Variants in SHISA6 observed in about 807,000 individuals in gnomAD.
The protein encoded by SHISA6 is shisa family member 6.
Under a neutral mutation model 47.9 loss-of-function variants are expected in SHISA6, and 22 were observed. The ratio of observed to expected loss-of-function variants is 0.46; its 90% CI spans 0.33 to 0.66. The LOEUF is 0.66. Ranked by LOEUF, SHISA6 falls within the 30% of genes least tolerant of loss-of-function variation. The pLI, the probability that SHISA6 is intolerant of heterozygous loss-of-function variation, is 0.02. For missense variants in SHISA6, 680 were observed against 764.6 expected (o/e 0.89, Z 1.30); for synonymous variants, 388 against 337.8 (o/e 1.15, Z -1.63).
intron 3 of SHISA6, among the ~76,000 whole-genome samples, chr17:11,381,677 G>T (rs1293359226): frequency 6.6e-6 from 1 of 152,120 alleles, no homozygotes; most frequent in East Asian, 1.9e-4. Flanking sequence ...AAATGAACTG[G>T]ACTCCATCAG....
chr17:11,367,116 T>G (rs1912477580), intron 2 of SHISA6, among the ~76,000 whole-genome samples: 1 of 152,096 alleles, frequency 6.6e-6, no homozygotes, highest in Non-Finnish European at 1.5e-5. Context: ...TGACATTTCA[T>G]AGAGAAGGAC....
chr17:11,241,507 C>G lies in SHISA6; in HGVS notation c.85C>G (p.Arg29Gly). 1 of 1,155,454 alleles carries G rather than the reference C, an allele frequency of 8.7e-7. No homozygotes were observed. The highest frequency in any genetic ancestry group is 1.1e-6 in the Non-Finnish European group (1 of 932,318). 71.6% of individuals were successfully genotyped at this position (1,155,454 alleles called of 1,614,324 possible). ...LLPSVHGARG[R>G]AANRTLSAGG... is the part of the protein sequence containing the mutation. ...GCCCAGCGTCCACGGAGCCCGCGGC[C>G]GCGCCGCCAACCGGACCCTGAGTGC... The change falls in exon 1 of 6, where the codon CGC (arginine) becomes GGC (glycine). Residue 29 changes from arginine (R) to glycine (G), a missense_variant. This residue lies in a region of SHISA6 where 121 missense variants were observed against 90.5 expected (regional missense o/e 1.34). Transcript: ENST00000441885. The surrounding 1 kb of genome is among the most constrained non-coding windows in gnomAD (Gnocchi z 5.5).
intron 3 of SHISA6, among the ~76,000 whole-genome samples, chr17:11,542,796 T>G (rs528500898): frequency 2.2e-4 from 33 of 152,302 alleles, no homozygotes; most frequent in African/African-American, 7.5e-4. Flanking sequence ...TGATTCTCTG[T>G]GAAGACCACC....
intron 3 of SHISA6, among the ~76,000 whole-genome samples, chr17:11,452,643 TC>T (rs1428829323): frequency 2.3e-3 from 40 of 17,764 alleles, no homozygotes; most frequent in Non-Finnish European, 3.9e-3. Flanking sequence ...CTCCTCCTCT[TC>T]CTCTCCTCTC....
chr17:11,555,707 A>C (rs572993619), intron 4 of SHISA6, 33 bp from the exon 5 acceptor site: 74 of 1,505,066 alleles, frequency 4.9e-5, no homozygotes, highest in Non-Finnish European at 5.8e-5. Context: ...CATGGTCCTC[A>C]TTAATACAAA....
intron 1 of SHISA6, among the ~76,000 whole-genome samples, chr17:11,260,497 C>T (rs1908190751): frequency 6.6e-6 from 1 of 152,020 alleles, no homozygotes; most frequent in South Asian, 2.1e-4. Flanking sequence ...CCGTCTGACT[C>T]TTCCCCTCCG....
chr17:11,362,680 A>C (rs755952338), intron 2 of SHISA6, among the ~76,000 whole-genome samples: 5 of 152,226 alleles, frequency 3.3e-5, no homozygotes, highest in Non-Finnish European at 7.3e-5. Context: ...TGCCATATGA[A>C]GGTAATTAAT....
intron 2 of SHISA6, among the ~76,000 whole-genome samples, chr17:11,348,369 A>G (rs1911767766): frequency 1.3e-5 from 2 of 152,318 alleles, no homozygotes; most frequent in South Asian, 4.1e-4. Context: ...AGTGATGTCA[A>G]CTATAAATGA....
At chr17:11,400,354 T>G (rs947288624) in intron 3 of SHISA6, among the ~76,000 whole-genome samples, 1 of 152,216 alleles carries the variant, frequency 6.6e-6, no homozygotes, top group African/African-American at 2.4e-5. Flanking sequence ...TGATGAAAAG[T>G]CATTAACATT....
intron 2 of SHISA6, among the ~76,000 whole-genome samples, chr17:11,277,771 G>A (rs944811755): frequency 5.3e-5 from 8 of 152,172 alleles, no homozygotes; most frequent in South Asian, 2.1e-4. Flanking sequence ...TCCTAAGCAC[G>A]TGCCTTCCAT....
intron 2 of SHISA6, among the ~76,000 whole-genome samples, chr17:11,326,325 T>C (rs1437474131): frequency 1.3e-5 from 2 of 151,332 alleles, no homozygotes; most frequent in Non-Finnish European, 1.5e-5. Context: ...AGGAAGGTAG[T>C]GGAGGTCAGC....
chr17:11,328,938 G>A (rs1911006742), intron 2 of SHISA6, among the ~76,000 whole-genome samples: 2 of 152,200 alleles, frequency 1.3e-5, no homozygotes, highest in Admixed American at 1.3e-4. Flanking sequence ...TGATGTAAAG[G>A]CTGCATGCTT....
chr17:11,252,036 C>T (rs955161133), intron 1 of SHISA6, among the ~76,000 whole-genome samples: 3 of 152,142 alleles, frequency 2.0e-5, no homozygotes, highest in African/African-American at 7.2e-5. Flanking sequence ...CGCAGGAACC[C>T]AGCGTTCCCG....
At chr17:11,344,971 C>G (rs527555499) in intron 2 of SHISA6, among the ~76,000 whole-genome samples, 2 of 152,264 alleles carry the variant, frequency 1.3e-5, no homozygotes, top group South Asian at 4.1e-4. Context: ...AACCACAGTT[C>G]TATTCTCTAC....
At chr17:11,503,825 T>C (rs2071475454) in intron 3 of SHISA6, among the ~76,000 whole-genome samples, 3 of 152,208 alleles carry the variant, frequency 2.0e-5, no homozygotes, top group Non-Finnish European at 2.9e-5. Context: ...CTGTGGCTGT[T>C]GTCTGTATTG....
intron 3 of SHISA6, among the ~76,000 whole-genome samples, chr17:11,511,098 T>C (rs2003588): frequency 0.78 from 118,552 of 152,122 alleles, 46,766 homozygotes; most frequent in East Asian, 0.96. Context: ...TGGAATGCTA[T>C]GCAGCCATAA....
intron 2 of SHISA6, among the ~76,000 whole-genome samples, chr17:11,271,618 T>G (rs1908665349): frequency 2.8e-5 from 4 of 144,916 alleles, no homozygotes; most frequent in South Asian, 2.2e-4. Context: ...TTTTTTTTTT[T>G]TTTTTTTTTT....
chr17:11,402,408 C>G (rs944344364), intron 3 of SHISA6, among the ~76,000 whole-genome samples: 1 of 152,188 alleles, frequency 6.6e-6, no homozygotes, highest in Non-Finnish European at 1.5e-5. Context: ...TCAACATACA[C>G]AGTTCTTGAA....
chr17:11,542,489 G>A (rs1302546323), intron 3 of SHISA6, among the ~76,000 whole-genome samples: 1 of 152,116 alleles, frequency 6.6e-6, no homozygotes, highest in Non-Finnish European at 1.5e-5. Context: ...GGAAAGTTCA[G>A]GCTGAAAGGA....
Sources: allele counts gnomAD v4.1 joint callset (sites outside exome capture counted in the v4.1 genomes callset), GRCh38; gene constraint gnomAD v4.1.1; regional missense constraint gnomAD v4.1.1; non-coding constraint Gnocchi (gnomAD v3.1); transcripts MANE v1.5; gene names NCBI Gene and HGNC (gene_info 2026-07-23, HGNC 2026-07-21).